The following BIRC6 variants were observed in gnomAD, a reference collection of about 807,000 sequenced individuals.
BIRC6 encodes dual E2 ubiquitin-conjugating enzyme/E3 ubiquitin-protein ligase BIRC6.
BIRC6 carries 98 observed loss-of-function variants against 503.3 expected under a neutral mutation model. That is an observed-to-expected ratio of 0.19 (90% CI 0.17 to 0.23). BIRC6 has a LOEUF of 0.23. Among genes scored for constraint, BIRC6 ranks in the 10% least tolerant of loss-of-function variants. BIRC6 has a pLI of 1.00. For missense variants in BIRC6, 5,360 were observed against 5,806.0 expected, an observed-to-expected ratio of 0.92 and a Z score of 2.50; for synonymous variants, 2,240 against 2,078.7, an observed-to-expected ratio of 1.08 and a Z score of -2.11.
At chr2:32,506,867 A>G (rs922091586) in intron 50 of BIRC6, among the ~76,000 whole-genome samples, 7 of 152,142 alleles carry the variant, frequency 4.6e-5, no homozygotes, top group African/African-American at 1.7e-4. Context: ...TAAAATGTAG[A>G]TAATACTTTC....
In BIRC6 at chr2:32,435,529, C is replaced by A; in HGVS notation, c.3443C>A (p.Pro1148Gln). 1 of 1,554,564 alleles carries A rather than the reference C, an allele frequency of 6.4e-7. No homozygotes were observed. The highest frequency in any genetic ancestry group is 2.4e-5 in the East Asian group (1 of 41,574). The part of the protein sequence containing the change: ...LNIEVEQNGK[P>Q]SLVDLNEEMQ... ...ATTGAAGTGGAACAAAATGGGAAACCGTCCCTGGTTGATTTGAATGAAGAA... is the reference window on the plus strand; with the variant it reads ...ATTGAAGTGGAACAAAATGGGAAACAGTCCCTGGTTGATTTGAATGAAGAA... Residue 1148 changes from proline (P) to glutamine (Q), a missense_variant, in exon 14 of 74, where the codon CCG (proline) becomes CAG (glutamine). Physicochemically the swap from Pro to Gln is moderately conservative, Grantham distance 76. Coordinates refer to ENST00000421745, the MANE Select transcript of BIRC6 (RefSeq NM_016252.4).
At position 32,415,711 on chromosome 2, in the gene BIRC6, T is replaced by A. The variant is rs748340107; in HGVS notation, c.2420T>A (p.Val807Glu). ...SVIQHESPAD[V>E]QTPLIIQPEQ... is the part of the protein sequence containing the mutation. ...ATCCAACATGAATCACCAGCAGATG[T>A]ACAGACTCCTTTAATAATTCAGCCT... The change falls in exon 10 of 74, where the codon GTA becomes GAA. Residue 807 changes from valine to glutamate, a missense_variant. Physicochemically the swap from Val to Glu is moderately radical, Grantham distance 121. Transcript: ENST00000421745. The A allele has an allele frequency of 6.2e-7, 1 of 1,613,894 alleles. No homozygotes were observed. Among genetic ancestry groups the A allele is most frequent in the Non-Finnish European group, 8.5e-7 (1 of 1,179,876 alleles).
chr2:32,494,635 C>G (rs1173919398), intron 45 of BIRC6, among the ~76,000 whole-genome samples: 1 of 151,946 alleles, frequency 6.6e-6, no homozygotes. Flanking sequence ...GGCTCAGTGG[C>G]TCACGCCTGT....
chr2:32,385,069 A>G (rs1010238977), intron 3 of BIRC6, among the ~76,000 whole-genome samples: 2 of 152,178 alleles, frequency 1.3e-5, no homozygotes, highest in Admixed American at 1.3e-4. Context: ...AATCCATACA[A>G]GAACAGTCAT....
intron 8 of BIRC6, among the ~76,000 whole-genome samples, 153 bp from the exon 9 acceptor site, chr2:32,406,346 C>T (rs2041214719): frequency 2.0e-5 from 3 of 152,264 alleles, no homozygotes; most frequent in East Asian, 3.9e-4. Flanking sequence ...CTGCAGTGAG[C>T]TGTGTTCCTG....
At chr2:32,577,742 A>T (rs1026514792) in intron 66 of BIRC6, among the ~76,000 whole-genome samples, 2 of 152,232 alleles carry the variant, frequency 1.3e-5, no homozygotes, top group Non-Finnish European at 2.9e-5. Context: ...TTATAAAAAT[A>T]CACCAGTTAA....
chr2:32,485,145 A>G (rs2050850474), intron 39 of BIRC6, among the ~76,000 whole-genome samples: 1 of 152,032 alleles, frequency 6.6e-6, no homozygotes, highest in Non-Finnish European at 1.5e-5. Context: ...ATGTGTTGCT[A>G]TTTTGGGACT....
At chr2:32,445,468 G>T in intron 20 of BIRC6, 53 bp from the exon 21 acceptor site, 1 of 1,421,696 alleles carries the variant, frequency 7.0e-7, no homozygotes. Flanking sequence ...AATTCTCATT[G>T]TTAGAGGAAA....
chr2:32,402,625 C>T (rs1425840746), intron 8 of BIRC6, among the ~76,000 whole-genome samples: 2 of 152,044 alleles, frequency 1.3e-5, no homozygotes, highest in African/African-American at 4.8e-5. Context: ...TGATTAAAGC[C>T]TTGTGGTTGT....
rs2052938691 is a variant in BIRC6 at position 32,499,796 on chromosome 2, A to C, written c.8718A>C (p.Ala2906=). The change falls in exon 46 of 74, where the codon GCA becomes GCC. Residue 2906 remains alanine (A), a synonymous_variant. Transcript: ENST00000421745. Reference sequence around the variant, plus strand: ...CCAATCTTATTCGTCCGGGTGATGCAAAAGCAGTTTGTGGCGAAATGACAA... The same window carrying C: ...CCAATCTTATTCGTCCGGGTGATGCCAAAGCAGTTTGTGGCGAAATGACAA... The part of the protein sequence containing the change: ...LFANLIRPGD[A]KAVCGEMTRD... 2 of 1,614,052 alleles carry C rather than the reference A, an allele frequency of 1.2e-6. No homozygotes were observed. Among genetic ancestry groups the C allele is most frequent in the Non-Finnish European group, 1.7e-6 (2 of 1,179,892 alleles).
Position 32,415,715 on chromosome 2 carries a change from G to T in BIRC6, c.2424G>T (p.Gln808His), listed in dbSNP as rs745674124. ...VIQHESPADV[Q>H]TPLIIQPEQR... ...AACATGAATCACCAGCAGATGTACA[G>T]ACTCCTTTAATAATTCAGCCTGAGC... is the stretch of plus-strand genomic sequence containing the variant. The change falls in exon 10 of 74, where the codon CAG becomes CAT. Residue 808 changes from glutamine (Q) to histidine (H), a missense_variant. Transcript: ENST00000421745. The T allele has an allele frequency of 2.5e-6, 4 of 1,613,842 alleles. No homozygotes were observed. Among genetic ancestry groups the T allele is most frequent in the Non-Finnish European group, 3.4e-6 (4 of 1,179,868 alleles).
At chr2:32,391,013 A>G (rs553440613) in intron 4 of BIRC6, among the ~76,000 whole-genome samples, 54 of 152,282 alleles carry the variant, frequency 3.5e-4, no homozygotes, top group African/African-American at 1.2e-3. Flanking sequence ...ATTCTTTGGG[A>G]TATGCCTGAG....
In BIRC6 at chr2:32,499,927, C is replaced by A. The variant is rs781484736; in HGVS notation, c.8849C>A (p.Thr2950Lys). 15 of 1,613,996 alleles carry A rather than the reference C, an allele frequency of 9.3e-6. No homozygotes were observed. The Admixed American group carries it at 2.3e-4, about 25-fold the overall frequency. The change falls in exon 46 of 74, where the codon ACA becomes AAA. Residue 2950 changes from threonine to lysine, a missense_variant. Physicochemically the swap from Thr to Lys is moderately conservative, Grantham distance 78. Transcript: ENST00000421745. Reference protein sequence around the residue: ...YSARVSVTTNTTDSVSDEEKV... With the variant: ...YSARVSVTTNKTDSVSDEEKV... ...GCAAGAGTGTCTGTGACCACAAATA[C>A]AACAGATAGTGTTTCAGATGAAGAA...
chr2:32,374,600 G>GC (rs1225922663), intron 1 of BIRC6, among the ~76,000 whole-genome samples: 2 of 151,546 alleles, frequency 1.3e-5, no homozygotes, highest in African/African-American at 4.9e-5. Context: ...AGCCTCCCGA[G>GC]TAGCTGGGAC....
chr2:32,402,249 C>T (rs2040688679), intron 8 of BIRC6, among the ~76,000 whole-genome samples: 1 of 152,182 alleles, frequency 6.6e-6, no homozygotes, highest in Non-Finnish European at 1.5e-5. Flanking sequence ...CTCTTTCACC[C>T]ACTTGTTTCC....
intron 37 of BIRC6, among the ~76,000 whole-genome samples, chr2:32,480,621 C>CTTTTTTTTTTTTTTTTTTTTTTTTTT (rs560251664): frequency 8.2e-5 from 5 of 60,738 alleles, no homozygotes; most frequent in Non-Finnish European, 1.2e-4. Context: ...AGGTAAATGG[C>CTTTTTTTTTTTTTTTTTTTTTTTTTT]TTTTTTTTTT....
intron 26 of BIRC6, among the ~76,000 whole-genome samples, chr2:32,466,983 G>T (rs1370899830): frequency 6.6e-6 from 1 of 152,226 alleles, no homozygotes; most frequent in East Asian, 1.9e-4. Flanking sequence ...GCCGGGCATG[G>T]CAGCGGGCGC....
At position 32,525,590 on chromosome 2, in the gene BIRC6, C is replaced by T. The variant is rs962378265; in HGVS notation, c.11882C>T (p.Thr3961Ile). The T allele has an allele frequency of 1.9e-6, 3 of 1,613,890 alleles. No homozygotes were observed. Among genetic ancestry groups the T allele is most frequent in the Non-Finnish European group, 2.5e-6 (3 of 1,179,848 alleles). ...SGAEAANKIITVPVFHLFHKL... is the reference protein window; with the variant it reads ...SGAEAANKIIIVPVFHLFHKL... ...GCAGAGGCTGCCAACAAAATAATTA[C>T]TGTCCCAGTGTTTCACCTGTTTCAC... Residue 3961 changes from threonine to isoleucine, a missense_variant, in exon 59 of 74, where the codon ACT (threonine) becomes ATT (isoleucine). This residue lies in a region of BIRC6 where 878 missense variants were observed against 928.9 expected (regional missense o/e 0.95). Coordinates refer to ENST00000421745, the MANE Select transcript of BIRC6 (RefSeq NM_016252.4).
rs971500329 is a variant in BIRC6, at chr2:32,442,384, A to G, written c.4167A>G (p.Val1389=). ...SKTRKFLSDI[V]RVCFFEAGRS... ...CACGAAAATTTCTGTCAGACATCGT[A>G]CGTGTTTGCTTCTTTGAGGCAGGAC... The change falls in exon 19 of 74, where the codon GTA becomes GTG. Residue 1389 remains valine (V), a synonymous_variant. Coordinates refer to ENST00000421745, the MANE Select transcript of BIRC6 (RefSeq NM_016252.4). The G allele has an allele frequency of 9.3e-6, 15 of 1,611,858 alleles. No individual in the cohort carries two copies. The highest frequency in any genetic ancestry group is 3.3e-4 in the Middle Eastern group (2 of 6,084).
Sources: gnomAD v4.1 joint callset for allele counts (sites outside exome capture counted in the v4.1 genomes callset) on GRCh38, gnomAD v4.1.1 for gene constraint, gnomAD v4.1.1 regional missense constraint, MANE v1.5 for transcripts, NCBI Gene and HGNC (gene_info 2026-07-23, HGNC 2026-07-21) for gene names.